Variants in PCDH15 observed in about 807,000 individuals in gnomAD.
The protein encoded by PCDH15 is protocadherin-15.
A neutral mutation model predicts 178.5 loss-of-function variants in PCDH15; 129 were observed. The observed-to-expected ratio is 0.72, with a 90% CI of 0.63 to 0.84. The LOEUF (loss-of-function observed/expected upper bound fraction) is 0.84. PCDH15 is among the 40% of genes least tolerant of loss of function. The pLI, the probability that PCDH15 is intolerant of heterozygous loss-of-function variation, is 0.00. For synonymous variants in PCDH15, 800 were observed against 732.0 expected (o/e 1.09, Z -1.50); for missense variants, 2,230 against 2,099.9 (o/e 1.06, Z -1.21).
At chr10:54,998,338 T>A (rs1437363751) in intron 2 of PCDH15, among the ~76,000 whole-genome samples, 1 of 152,074 alleles carries the variant, frequency 6.6e-6, no homozygotes, top group Admixed American at 6.6e-5. Context: ...TGTATACATA[T>A]GTAACTAACC....
intron 23 of PCDH15, among the ~76,000 whole-genome samples, chr10:53,955,972 G>A (rs893121435): frequency 6.6e-5 from 10 of 152,008 alleles, no homozygotes; most frequent in African/African-American, 2.4e-4. Context: ...GCCAAAGCTA[G>A]CAATTGAACA....
chr10:55,359,747 T>TATATATACAC (rs1491280747), intron 2 of PCDH15, among the ~76,000 whole-genome samples: 1 of 81,660 alleles, frequency 1.2e-5, no homozygotes. Flanking sequence ...TATATATATA[T>TATATATACAC]ACACACACAC....
Position 55,181,045 on chromosome 10 carries a change from T to C in PCDH15, c.-155-14394A>G, listed in dbSNP as rs376463054. 2.6e-5 allele frequency among the ~76,000 whole-genome samples: 4 copies of C among 151,952 alleles called. No homozygotes were observed. In the South Asian group the frequency reaches 8.3e-4, roughly 32 times the overall value. ...ATTAGGAATTGGGACTTACTTTAGA[T>C]AGTGTGGAAAAGAAGAGTAGTTCTG... On this transcript the variant is annotated intron_variant, in intron 1 of 5. Coordinates refer to the PCDH15 transcript ENST00000458638.
At chr10:54,429,917 T>C (rs1307883986) in intron 3 of PCDH15, among the ~76,000 whole-genome samples, 2 of 152,134 alleles carry the variant, frequency 1.3e-5, no homozygotes, top group East Asian at 1.9e-4. Flanking sequence ...ACTTTCTGCA[T>C]TGGACAGATC....
chr10:54,447,017 C>T lies in PCDH15; in HGVS notation c.158-68075G>A, dbSNP rs181452905. Among the ~76,000 whole-genome samples, 269 of 151,724 alleles carry T rather than the reference C, an allele frequency of 1.8e-3. 4 individuals are homozygous for T. The highest frequency in any genetic ancestry group is 2.4e-3 in the Admixed American group (37 of 15,176). ...CCATTGGTTCCCTAAAACTCCCCCT[C>T]TCTTACTCTCTGGCTGCAAACAAAC... is the stretch of plus-strand genomic sequence containing the variant. On this transcript the variant is annotated intron_variant, in intron 3 of 37. Coordinates refer to ENST00000644397, the MANE Select transcript of PCDH15 (RefSeq NM_001384140.1).
chr10:55,158,932 T>C (rs1490782287), intron 2 of PCDH15, among the ~76,000 whole-genome samples: 1 of 98,740 alleles, frequency 1.0e-5, no homozygotes, highest in Non-Finnish European at 2.5e-5. Context: ...GACAGAGAAG[T>C]GCTAAAGTGT....
intron 25 of PCDH15, among the ~76,000 whole-genome samples, chr10:53,933,689 A>C (rs2085299635): frequency 6.6e-6 from 1 of 152,262 alleles, no homozygotes; most frequent in Non-Finnish European, 1.5e-5. Context: ...GTATATACCC[A>C]GTAATGGGAT....
intron 2 of PCDH15, among the ~76,000 whole-genome samples, chr10:55,504,059 A>G (rs1278210208): frequency 6.6e-6 from 1 of 151,396 alleles, no homozygotes. Context: ...TTTTTAGGGC[A>G]GGGAAACAAC....
At chr10:54,036,964 G>A (rs2093430979) in intron 18 of PCDH15, among the ~76,000 whole-genome samples, 1 of 151,912 alleles carries the variant, frequency 6.6e-6, no homozygotes, top group African/African-American at 2.4e-5. Flanking sequence ...ACTCTGAGAG[G>A]TTCAAGAGAG....
chr10:55,429,219 T>A (rs1470734667), intron 2 of PCDH15, among the ~76,000 whole-genome samples: 3 of 152,140 alleles, frequency 2.0e-5, no homozygotes, highest in Non-Finnish European at 4.4e-5. Flanking sequence ...TCTGCTAACT[T>A]GTTTTGCACA....
intron 9 of PCDH15, among the ~76,000 whole-genome samples, chr10:54,232,577 T>A (rs2054182842): frequency 6.6e-6 from 1 of 152,212 alleles, no homozygotes; most frequent in African/African-American, 2.4e-5. Flanking sequence ...GTTAAAAGTC[T>A]ACCCCAATTT....
intron 3 of PCDH15, among the ~76,000 whole-genome samples, chr10:54,453,477 G>A (rs1382865710): frequency 2.0e-5 from 3 of 151,948 alleles, no homozygotes; most frequent in African/African-American, 7.3e-5. Flanking sequence ...ACACAGGAAG[G>A]GGAACATCAC....
intron 15 of PCDH15, among the ~76,000 whole-genome samples, chr10:54,093,992 C>A (rs2094648928): frequency 6.6e-6 from 1 of 152,090 alleles, no homozygotes; most frequent in African/African-American, 2.4e-5. Flanking sequence ...TTCTTCAAAG[C>A]CTGAGAAAAG....
At chr10:53,954,323 G>A (rs2087393300) in intron 23 of PCDH15, among the ~76,000 whole-genome samples, 1 of 152,032 alleles carries the variant, frequency 6.6e-6, no homozygotes, top group South Asian at 2.1e-4. Context: ...TACAATTTTG[G>A]AAGAAGACAA....
At chr10:53,899,636 T>A (rs759419232) in intron 26 of PCDH15, among the ~76,000 whole-genome samples, 1 of 152,206 alleles carries the variant, frequency 6.6e-6, no homozygotes, top group African/African-American at 2.4e-5. Flanking sequence ...CCTAATATTG[T>A]ATAGCAATTG....
At chr10:54,756,741 A>AGC (rs1947183604) in intron 1 of PCDH15, among the ~76,000 whole-genome samples, 1 of 142,548 alleles carries the variant, frequency 7.0e-6, no homozygotes, top group South Asian at 2.2e-4. Flanking sequence ...AGAGAGAGAG[A>AGC]GAAACTATGG....
intron 21 of PCDH15, among the ~76,000 whole-genome samples, chr10:53,971,462 A>G (rs1416679955): frequency 6.6e-6 from 1 of 152,246 alleles, no homozygotes. Flanking sequence ...AGAAAGAAAT[A>G]AATGATATTC....
chr10:54,736,771 A>G (rs1041206437), intron 1 of PCDH15, among the ~76,000 whole-genome samples: 5 of 152,046 alleles, frequency 3.3e-5, no homozygotes, highest in African/African-American at 1.2e-4. Flanking sequence ...TTCATGTCCC[A>G]TATTTTTGTT....
At chr10:54,893,206 A>G (rs1244274484) in intron 3 of PCDH15, among the ~76,000 whole-genome samples, 5 of 152,114 alleles carry the variant, frequency 3.3e-5, no homozygotes, top group African/African-American at 7.2e-5. Context: ...ATACACAAAA[A>G]AGGAAATTTT....
Sources: gnomAD v4.1 joint callset for allele counts (sites outside exome capture counted in the v4.1 genomes callset) on GRCh38, gnomAD v4.1.1 for gene constraint, MANE v1.5 for transcripts, NCBI Gene and HGNC (gene_info 2026-07-23, HGNC 2026-07-21) for gene names.